Variants in RBM4B observed in about 807,000 individuals in gnomAD.
The protein encoded by RBM4B is RNA-binding protein 4B.
A neutral mutation model predicts 28.5 loss-of-function variants in RBM4B; 13 were observed. That is an observed-to-expected ratio of 0.46 (90% CI 0.30 to 0.72). RBM4B has a LOEUF of 0.72. Ranked by LOEUF, RBM4B falls within the 30% of genes least tolerant of loss-of-function variation. The pLI is 0.09. For missense variants in RBM4B, 387 were observed against 477.6 expected, an observed-to-expected ratio of 0.81 and a Z score of 1.77; for synonymous variants, 167 against 179.1, an observed-to-expected ratio of 0.93 and a Z score of 0.54.
chr11:66,671,002 T>C (rs762881754), intron 2 of RBM4B: 2 of 702,606 alleles, frequency 2.8e-6, no homozygotes, highest in South Asian at 3.0e-5. Context: ...AATAGCCCTA[T>C]TGAGGACGGC....
chr11:66,671,994 G>A (rs888810414), intron 2 of RBM4B, among the ~76,000 whole-genome samples: 2 of 151,380 alleles, frequency 1.3e-5, no homozygotes, highest in Non-Finnish European at 2.9e-5. Flanking sequence ...TGATCCACCC[G>A]CCTCAGCCCC....
Position 66,676,948 on chromosome 11 carries a change from G to T in RBM4B, c.132C>A (p.Asp44Glu). The T allele has an allele frequency of 6.2e-7, 1 of 1,614,128 alleles. No homozygotes were observed. The highest frequency in any genetic ancestry group is 1.1e-5 in the South Asian group (1 of 91,082). Residue 44 changes from aspartate to glutamate, a missense_variant, in exon 2 of 4, where the codon GAC (aspartate) becomes GAA (glutamate). By Grantham distance (45) the Asp-to-Glu change is conservative. Around this residue, in one of 2 missense-constraint regions of RBM4B, gnomAD observed 161 missense variants for 256.9 expected, o/e 0.63. Transcript: ENST00000310046. ...GTATGGCATCCTCAGCTGCCGTCTT[G>T]TCTTCTATGTGCACAAAGCCGTAAT... ...IKNYGFVHIE[D>E]KTAAEDAIRN...
chr11:66,673,075 C>T (rs558264349), intron 2 of RBM4B, among the ~76,000 whole-genome samples: 27 of 152,020 alleles, frequency 1.8e-4, no homozygotes, highest in Middle Eastern at 6.8e-3. Flanking sequence ...AAGTGGGAAA[C>T]TTGGGGTCTT....
intron 2 of RBM4B, among the ~76,000 whole-genome samples, chr11:66,669,676 C>G (rs1351709314): frequency 1.3e-5 from 2 of 152,214 alleles, no homozygotes. Context: ...AAACTCCCGA[C>G]CTTGGGTGAT....
intron 2 of RBM4B, 171 bp downstream of exon 2, chr11:66,676,497 A>G (rs1939640386): frequency 1.3e-6 from 1 of 752,960 alleles, no homozygotes; most frequent in African/African-American, 1.8e-5. Flanking sequence ...GAAAAGGGGA[A>G]GTGTTTGCTT....
At chr11:66,672,007 C>G (rs548839244) in intron 2 of RBM4B, among the ~76,000 whole-genome samples, 1 of 152,174 alleles carries the variant, frequency 6.6e-6, no homozygotes, top group Admixed American at 6.5e-5. Flanking sequence ...TCAGCCCCCT[C>G]AAAGTGCTGG....
At chr11:66,667,641 T>C (rs1939285011) in intron 3 of RBM4B, 1 of 151,882 alleles carries the variant, frequency 6.6e-6, no homozygotes, top group African/African-American at 2.4e-5. Context: ...TCCTCTGGCA[T>C]GTAGGTATGA....
intron 2 of RBM4B, among the ~76,000 whole-genome samples, chr11:66,670,244 C>G (rs149335904): frequency 1.3e-4 from 18 of 135,650 alleles, no homozygotes; most frequent in East Asian, 1.3e-3. Flanking sequence ...CCCGACCCCC[C>G]CAAGGCTACT....
chr11:66,665,909 T>TA, intron 3 of RBM4B: 1 of 1,535,504 alleles, frequency 6.5e-7, no homozygotes, highest in Middle Eastern at 1.7e-4. Flanking sequence ...AGGGCATACA[T>TA]ACATTTTCAA....
In RBM4B at chr11:66,677,053, A is replaced by C. The variant is rs144151416; in HGVS notation, c.27T>G (p.Leu9=). Residue 9 remains leucine, a synonymous_variant, in exon 2 of 4, where the codon CTT becomes CTG. Coordinates refer to ENST00000310046, the MANE Select transcript of RBM4B (RefSeq NM_031492.4). ...TCTCCTGCTCTGTAGCCTCCCGGGG[A>C]AGGTTTCCGATGAACAGCTTCACCA... MVKLFIGN[L]PREATEQEIR... is the part of the protein sequence containing the mutation. 225 of 1,613,906 alleles carry C rather than the reference A, an allele frequency of 1.4e-4. No individual in the cohort carries two copies. Among genetic ancestry groups the C allele is most frequent in the African/African-American group, 6.3e-4 (47 of 74,952 alleles).
rs1320944892 is a variant in RBM4B, at chr11:66,669,307, G to A, written c.413-16C>T. On this transcript the variant is annotated splice_polypyrimidine_tract_variant and intron_variant, in intron 2 of 3. Coordinates refer to ENST00000310046, the MANE Select transcript of RBM4B (RefSeq NM_031492.4). ...ATTCTTTTGCCTTGAGGGAACAGAT[G>A]TAAGAAGATTTATTTTAACTCACTT... The A allele has an allele frequency of 6.2e-7, 1 of 1,600,844 alleles. No individual in the cohort carries two copies. The highest frequency in any genetic ancestry group is 8.5e-7 in the Non-Finnish European group (1 of 1,170,888).
At chr11:66,669,841 C>T (rs1304727494) in intron 2 of RBM4B, among the ~76,000 whole-genome samples, 2 of 152,240 alleles carry the variant, frequency 1.3e-5, no homozygotes, top group Non-Finnish European at 2.9e-5. Flanking sequence ...ACCAGACTCC[C>T]TCCTGTTTCT....
Position 66,677,005 on chromosome 11 carries a change from A to T in RBM4B, c.75T>A (p.Tyr25Ter). 6.2e-7 allele frequency: 1 copy of T among 1,614,096 alleles called. No homozygotes were observed. The highest frequency in any genetic ancestry group is 8.5e-7 in the Non-Finnish European group (1 of 1,180,018). Residue 25 changes from tyrosine to a stop codon, truncating the protein, a stop_gained, in exon 2 of 4, where the codon TAT becomes TAA. Transcript: ENST00000310046. LOFTEE classifies it high-confidence loss of function. ...EQEIRSLFEQYGKVLECDIIK... is the reference protein window; with the variant it reads ...EQEIRSLFEQ ...TGATGTCACATTCCAGCACCTTCCC[A>T]TACTGCTCGAAGAGTGAGCGAATCT...
rs149014922 is a variant in RBM4B, at chr11:66,668,784, C to T, written c.920G>A (p.Arg307His). 25 of 1,614,238 alleles carry T rather than the reference C, an allele frequency of 1.5e-5. No homozygotes were observed. The Admixed American group carries it at 2.2e-4, about 14-fold the overall frequency. The part of the protein sequence containing the change: ...SYYGRDRSPL[R>H]RAAAMLPTVG... ...TGTGGGGAGCATGGCTGCAGCACGA[C>T]GCAGTGGGCTCCTGTCCCTTCCATA... The change falls in exon 3 of 4, where the codon CGT (arginine) becomes CAT (histidine). Residue 307 changes from arginine to histidine, a missense_variant. Arg to His is a conservative substitution (Grantham distance 29). Transcript: ENST00000310046.
At position 66,668,927 on chromosome 11, in the gene RBM4B, C is replaced by T. The variant is rs778483374; in HGVS notation, c.777G>A (p.Val259=). 1 of 1,614,154 alleles carries T rather than the reference C, an allele frequency of 6.2e-7. No homozygotes were observed. Among genetic ancestry groups the T allele is most frequent in the African/African-American group, 1.3e-5 (1 of 75,038 alleles). The change falls in exon 3 of 4, where the codon GTG becomes GTA. Residue 259 remains valine, a synonymous_variant. Transcript: ENST00000310046. ...CAGAAGTAGAGTTGAGGTGGCTGGT[C>T]ACAGTTGTGCTTTGGACTTGAGGCA... ...SHLPQVQSTT[V]TSHLNSTSVD... is the part of the protein sequence containing the mutation.
chr11:66,669,287 T>C lies in RBM4B; in HGVS notation c.417A>G (p.Lys139=), dbSNP rs1199178722. Residue 139 remains lysine, a synonymous_variant, in exon 3 of 4, where the codon AAA becomes AAG. Transcript: ENST00000310046. The stretch of plus-strand genomic sequence containing the variant: ...TTGTGGACAACTGCACATGCATTCT[T>C]TTGCCTTGAGGGAACAGATGTAAGA... ...RGLDNTEFQG[K]RMHVQLSTSR... 6.2e-7 allele frequency: 1 copy of C among 1,612,198 alleles called. No individual in the cohort carries two copies. Among genetic ancestry groups the C allele is most frequent in the Non-Finnish European group, 8.5e-7 (1 of 1,178,518 alleles).
At chr11:66,665,724 C>G in intron 3 of RBM4B, 146 bp from the exon 4 acceptor site, 1 of 1,386,600 alleles carries the variant, frequency 7.2e-7, no homozygotes, top group Non-Finnish European at 9.7e-7. Context: ...TAACTCATAT[C>G]CCATGTAATT....
intron 3 of RBM4B, chr11:66,665,860 G>C: frequency 6.5e-7 from 1 of 1,531,184 alleles, no homozygotes; most frequent in South Asian, 1.2e-5. Flanking sequence ...TTTTAGGCAA[G>C]ATAACCCCTG....
intron 3 of RBM4B, chr11:66,666,989 T>G (rs1939260836): frequency 6.6e-6 from 1 of 151,740 alleles, no homozygotes; most frequent in African/African-American, 2.4e-5. Flanking sequence ...AGTCTCTCAC[T>G]CCTGGGCTCA....
Sources: allele counts gnomAD v4.1 joint callset (sites outside exome capture counted in the v4.1 genomes callset), GRCh38; gene constraint gnomAD v4.1.1; regional missense constraint gnomAD v4.1.1; transcripts MANE v1.5; gene names NCBI Gene and HGNC (gene_info 2026-07-23, HGNC 2026-07-21).